Variants in GPC6 observed in about 807,000 individuals in gnomAD.
GPC6 encodes glypican 6.
GPC6 carries 14 observed loss-of-function variants against 55.2 expected under a neutral mutation model. The ratio of observed to expected loss-of-function variants is 0.25; its 90% CI spans 0.17 to 0.40. The LOEUF is 0.40. Among genes scored for constraint, GPC6 ranks in the 10% least tolerant of loss-of-function variants. The pLI, the probability that GPC6 is intolerant of heterozygous loss-of-function variation, is 1.00. For missense variants in GPC6, 641 were observed against 708.5 expected, an observed-to-expected ratio of 0.90 and a Z score of 1.08; for synonymous variants, 278 against 259.6, an observed-to-expected ratio of 1.07 and a Z score of -0.68.
intron 4 of GPC6, among the ~76,000 whole-genome samples, chr13:94,072,363 GT>G (rs1884765221): frequency 6.6e-6 from 1 of 151,918 alleles, no homozygotes; most frequent in African/African-American, 2.4e-5. Flanking sequence ...TTGCCTGTTT[GT>G]TTGTTTTTGA....
chr13:94,082,137 G>A (rs1008034565), intron 4 of GPC6, among the ~76,000 whole-genome samples: 9 of 151,844 alleles, frequency 5.9e-5, no homozygotes, highest in African/African-American at 1.5e-4. Flanking sequence ...CACTGCGCCC[G>A]GTCTACTTTC....
intron 1 of GPC6, among the ~76,000 whole-genome samples, chr13:93,368,891 T>C (rs1394716853): frequency 1.3e-5 from 2 of 152,248 alleles, no homozygotes; most frequent in Non-Finnish European, 2.9e-5. Flanking sequence ...TGTTTCCCAG[T>C]TCCCCAGTGG....
At chr13:93,557,410 G>T (rs376417131) in intron 2 of GPC6, among the ~76,000 whole-genome samples, 2 of 151,990 alleles carry the variant, frequency 1.3e-5, no homozygotes, top group East Asian at 3.9e-4. Context: ...AAAAAAAATA[G>T]GTTAAGGAAG....
chr13:93,249,678 T>C (rs1876718584), intron 1 of GPC6, among the ~76,000 whole-genome samples: 1 of 152,226 alleles, frequency 6.6e-6, no homozygotes, highest in African/African-American at 2.4e-5. Flanking sequence ...ATATTTCCAC[T>C]TTCCAGTGGT....
At position 94,038,322 on chromosome 13, in the gene GPC6, T is replaced by TA. The variant is rs532864006; in HGVS notation, c.877+10436dup. ...AACCTCTGAATATGTTTCATTTTCC[T>TA]AAAAAAAATTTCACTGGATGGTTTC... On this transcript the variant is annotated intron_variant, in intron 4 of 8. Transcript: ENST00000377047. 2.0e-5 allele frequency among the ~76,000 whole-genome samples: 3 copies of TA among 151,882 alleles called. No individual in the cohort carries two copies. The South Asian group carries it at 6.2e-4, about 32-fold the overall frequency.
At chr13:93,922,137 G>A (rs995729676) in intron 3 of GPC6, among the ~76,000 whole-genome samples, 1 of 152,048 alleles carries the variant, frequency 6.6e-6, no homozygotes, top group African/African-American at 2.4e-5. Flanking sequence ...AAAAGGTGTG[G>A]GAAAGAGATA....
At chr13:93,486,645 A>G (rs1879720642) in intron 1 of GPC6, among the ~76,000 whole-genome samples, 1 of 152,194 alleles carries the variant, frequency 6.6e-6, no homozygotes, top group East Asian at 1.9e-4. Context: ...TATTAACTCC[A>G]TAGTGTAAGA....
At chr13:94,252,879 C>A (rs959312059) in intron 4 of GPC6, among the ~76,000 whole-genome samples, 4 of 151,490 alleles carry the variant, frequency 2.6e-5, no homozygotes, top group Non-Finnish European at 5.9e-5. Context: ...AAACCCCAAG[C>A]CTGCTGTTTC....
At chr13:93,593,915 T>A (rs575630789) in intron 2 of GPC6, among the ~76,000 whole-genome samples, 14 of 152,196 alleles carry the variant, frequency 9.2e-5, no homozygotes, top group Non-Finnish European at 1.8e-4. Flanking sequence ...TATGCTGAAA[T>A]GTTATGTGAA....
intron 6 of GPC6, among the ~76,000 whole-genome samples, chr13:94,312,574 A>G (rs1442199412): frequency 1.3e-5 from 2 of 152,214 alleles, no homozygotes; most frequent in East Asian, 3.8e-4. Flanking sequence ...TAAATCCACT[A>G]GTTTGCATTT....
At position 93,363,704 on chromosome 13, in the gene GPC6, C is replaced by T. The variant is rs565646742; in HGVS notation, c.160+136088C>T. Among the ~76,000 whole-genome samples the T allele has an allele frequency of 1.1e-4, 16 of 151,188 alleles. 1 individual carries two copies. The highest frequency in any genetic ancestry group is 2.0e-4 in the East Asian group (1 of 5,092). On this transcript the variant is annotated intron_variant, in intron 1 of 8. Coordinates refer to ENST00000377047, the MANE Select transcript of GPC6 (RefSeq NM_005708.5). ...TTCTAGTTCTAGATCCCTGAGGAAT[C>T]GCCACACTGACTTCCACAATGGTTG... is the stretch of plus-strand genomic sequence containing the variant.
In GPC6 at chr13:93,726,669, A is replaced by G. The variant is rs544192466; in HGVS notation, c.320-103485A>G. On this transcript the variant is annotated intron_variant, in intron 2 of 8. Transcript: ENST00000377047. ...CCTCCCACCTTTTTGAGGATGGGCA[A>G]TTGGAATGCCCGCCCCCTGCCTGGA... is the stretch of plus-strand genomic sequence containing the variant. Among the ~76,000 whole-genome samples, 392 of 152,158 alleles carry G rather than the reference A, an allele frequency of 2.6e-3. 4 individuals are homozygous for G. Among genetic ancestry groups the G allele is most frequent in the Non-Finnish European group, 4.7e-3 (321 of 68,008 alleles).
At chr13:93,346,153 A>AT (rs199830574) in intron 1 of GPC6, among the ~76,000 whole-genome samples, 16 of 151,154 alleles carry the variant, frequency 1.1e-4, no homozygotes, top group Non-Finnish European at 1.6e-4. Flanking sequence ...ACTGCAGTTC[A>AT]TTTTTTTTTC....
At chr13:93,961,924 T>G (rs1048561956) in intron 3 of GPC6, among the ~76,000 whole-genome samples, 2 of 152,202 alleles carry the variant, frequency 1.3e-5, no homozygotes, top group African/African-American at 4.8e-5. Context: ...TCACCTAGCT[T>G]GAAGCTAATA....
intron 4 of GPC6, among the ~76,000 whole-genome samples, chr13:94,059,789 A>G (rs1276887188): frequency 1.3e-5 from 2 of 151,812 alleles, no homozygotes; most frequent in Non-Finnish European, 2.9e-5. Context: ...TTCATGAAAG[A>G]GTGCTAATCC....
intron 6 of GPC6, among the ~76,000 whole-genome samples, chr13:94,362,696 A>G (rs1046592142): frequency 6.6e-6 from 1 of 152,168 alleles, no homozygotes; most frequent in African/African-American, 2.4e-5. Context: ...CGACTTTTTG[A>G]TAGCCTTTTG....
intron 3 of GPC6, among the ~76,000 whole-genome samples, chr13:93,918,486 CTTTA>C (rs1289227734): frequency 1.3e-5 from 2 of 152,100 alleles, no homozygotes; most frequent in African/African-American, 4.8e-5. Flanking sequence ...CATGGATCCT[CTTTA>C]TTCTCCTGGA....
At chr13:93,403,582 A>G (rs1236209826) in intron 1 of GPC6, among the ~76,000 whole-genome samples, 2 of 152,184 alleles carry the variant, frequency 1.3e-5, no homozygotes, top group Non-Finnish European at 2.9e-5. Flanking sequence ...ATTTGTAGAT[A>G]TTTGGTTAAA....
chr13:94,356,898 T>G (rs1878825414), intron 6 of GPC6, among the ~76,000 whole-genome samples: 3 of 151,882 alleles, frequency 2.0e-5, no homozygotes, highest in Admixed American at 2.0e-4. Context: ...TGAGACCCTG[T>G]CTCAAAAAAA....
Sources: gnomAD v4.1 joint callset for allele counts (sites outside exome capture counted in the v4.1 genomes callset) on GRCh38, gnomAD v4.1.1 for gene constraint, MANE v1.5 for transcripts, NCBI Gene and HGNC (gene_info 2026-07-23, HGNC 2026-07-21) for gene names.